The following CDIN1 variants were observed in gnomAD, a reference collection of about 807,000 sequenced individuals.
CDIN1 encodes the protein CDAN1 interacting nuclease 1, also known as CDAN1-interacting nuclease 1.
Under a neutral mutation model 45.3 loss-of-function variants are expected in CDIN1, and 33 were observed. The ratio of observed to expected loss-of-function variants is 0.73; its 90% CI spans 0.55 to 0.97. The LOEUF is 0.97. Among genes scored for constraint, CDIN1 ranks in the 50% least tolerant of loss-of-function variants. CDIN1 has a pLI of 0.00. For synonymous variants in CDIN1, 118 were observed against 124.4 expected, an observed-to-expected ratio of 0.95 and a Z score of 0.34; for missense variants, 303 against 339.4, an observed-to-expected ratio of 0.89 and a Z score of 0.84.
At chr15:36,616,060 C>T (rs1358209942) in intron 1 of CDIN1, among the ~76,000 whole-genome samples, 1 of 152,132 alleles carries the variant, frequency 6.6e-6, no homozygotes, top group Non-Finnish European at 1.5e-5. Flanking sequence ...AAAACATAAG[C>T]GGCATGATGT....
intron 10 of CDIN1, among the ~76,000 whole-genome samples, chr15:36,786,228 A>G (rs1386285924): frequency 6.6e-6 from 1 of 152,224 alleles, no homozygotes. Flanking sequence ...GTAACTTTTT[A>G]TTCCTTTAGA....
At chr15:36,735,031 TCA>T (rs1278983740) in intron 10 of CDIN1, among the ~76,000 whole-genome samples, 2 of 152,204 alleles carry the variant, frequency 1.3e-5, no homozygotes, top group African/African-American at 4.8e-5. Flanking sequence ...CTTGAGTTTC[TCA>T]GTTTAAATTA....
chr15:36,785,643 C>G (rs907474036), intron 10 of CDIN1, among the ~76,000 whole-genome samples: 8 of 152,202 alleles, frequency 5.3e-5, no homozygotes, highest in African/African-American at 1.7e-4. Context: ...TGAAAACTTG[C>G]TCTCCAGTGA....
rs562079267 is a variant in CDIN1 at position 36,645,421 on chromosome 15, T to C, written c.212+134T>C. The C allele has an allele frequency of 2.2e-5, 18 of 810,808 alleles. No homozygotes were observed. The Admixed American group carries it at 4.5e-4, about 20-fold the overall frequency. The allele number at this position is 810,808 out of a possible 1,614,324, so 50.2% of individuals were successfully genotyped here. ...GTTTTAAGTATTTTATTCAAAACTT[T>C]TAGTATGTTTTTGAATGAGTTTTCA... On this transcript the variant is annotated intron_variant, in intron 3 of 10. Coordinates refer to ENST00000566621, the MANE Select transcript of CDIN1 (RefSeq NM_001321759.2).
chr15:36,746,000 C>G (rs2044413912), intron 10 of CDIN1, among the ~76,000 whole-genome samples: 1 of 152,010 alleles, frequency 6.6e-6, no homozygotes, highest in African/African-American at 2.4e-5. Context: ...AAAAATTGTT[C>G]AAATCATAGG....
In CDIN1 at chr15:36,660,033, C is replaced by T. The variant is rs565368208; in HGVS notation, c.346+2128C>T. Among the ~76,000 whole-genome samples the T allele has an allele frequency of 4.6e-4, 55 of 118,606 alleles. 1 individual carries two copies. In the Admixed American group the frequency reaches 6.1e-3, roughly 13 times the overall value. 77.8% of individuals were successfully genotyped at this position (118,606 alleles called of 152,430 possible). ...GGCTTATATTCTGACACTTTCTTCC[C>T]CTTCAGAGCATGGGCCTGGCTGGCC... is the stretch of plus-strand genomic sequence containing the variant. On this transcript the variant is annotated intron_variant, in intron 5 of 10. Transcript: ENST00000566621.
At chr15:36,679,244 T>C (rs2041765134) in intron 5 of CDIN1, among the ~76,000 whole-genome samples, 1 of 152,204 alleles carries the variant, frequency 6.6e-6, no homozygotes, top group Admixed American at 6.5e-5. Flanking sequence ...AAATTTTGCC[T>C]GTTGAATAGA....
chr15:36,640,051 T>C (rs2040045551), intron 1 of CDIN1, among the ~76,000 whole-genome samples: 1 of 152,062 alleles, frequency 6.6e-6, no homozygotes, highest in Non-Finnish European at 1.5e-5. Context: ...TTTTCCCTTT[T>C]CCCCCCTCAG....
intron 5 of CDIN1, among the ~76,000 whole-genome samples, chr15:36,680,439 G>A (rs913286161): frequency 2.0e-5 from 3 of 152,184 alleles, no homozygotes; most frequent in Non-Finnish European, 4.4e-5. Context: ...GCTTTTGTTA[G>A]TGGGCCATAT....
Position 36,690,805 on chromosome 15 carries a change from G to C in CDIN1, c.347-880G>C, listed in dbSNP as rs76365875. Reference sequence around the variant, plus strand: ...GAAATAATCGATACCTAGGCAACACGTGACTTAGCTTCAGCCTAGAGACCT... The same window carrying C: ...GAAATAATCGATACCTAGGCAACACCTGACTTAGCTTCAGCCTAGAGACCT... On this transcript the variant is annotated intron_variant, in intron 5 of 10. Coordinates refer to ENST00000566621, the MANE Select transcript of CDIN1 (RefSeq NM_001321759.2). Among the ~76,000 whole-genome samples, 1,044 of 152,208 alleles carry C rather than the reference G, an allele frequency of 6.9e-3. 15 individuals are homozygous for C. The highest frequency in any genetic ancestry group is 0.024 in the African/African-American group (977 of 41,546).
intron 5 of CDIN1, among the ~76,000 whole-genome samples, chr15:36,687,725 A>T (rs928163999): frequency 6.6e-6 from 1 of 152,218 alleles, no homozygotes; most frequent in Non-Finnish European, 1.5e-5. Context: ...AATAACAAGG[A>T]TGCAGAAGAT....
chr15:36,800,931 A>G (rs1448756573), intron 10 of CDIN1, among the ~76,000 whole-genome samples: 5 of 109,766 alleles, frequency 4.6e-5, no homozygotes, highest in East Asian at 2.5e-4. Flanking sequence ...ATATATATAT[A>G]TATATATATA....
At chr15:36,607,191 CCA>C (rs2140256246) in intron 1 of CDIN1, among the ~76,000 whole-genome samples, 1 of 152,292 alleles carries the variant, frequency 6.6e-6, no homozygotes, top group South Asian at 2.1e-4. Flanking sequence ...CCACTCCTCT[CCA>C]TTGTTTCCAG....
chr15:36,627,363 C>A, intron 1 of CDIN1: 1 of 158,668 alleles, frequency 6.3e-6, no homozygotes, highest in South Asian at 1.8e-4. Flanking sequence ...CTGAAGTGGT[C>A]CTTGTTGGAG....
chr15:36,609,296 G>A (rs564447631), intron 1 of CDIN1, among the ~76,000 whole-genome samples: 14 of 152,320 alleles, frequency 9.2e-5, no homozygotes, highest in Admixed American at 3.3e-4. Context: ...GATTATAGGC[G>A]TGAGCCACCG....
chr15:36,654,278 C>T, intron 4 of CDIN1, 120 bp downstream of exon 4: 1 of 690,982 alleles, frequency 1.4e-6, no homozygotes, highest in Non-Finnish European at 2.4e-6. Context: ...GTGCATTAGA[C>T]ATTTAAATTG....
chr15:36,687,824 A>G (rs2042114401), intron 5 of CDIN1, among the ~76,000 whole-genome samples: 1 of 152,198 alleles, frequency 6.6e-6, no homozygotes, highest in African/African-American at 2.4e-5. Context: ...GAAGACATAT[A>G]AAACATTAAC....
intron 1 of CDIN1, among the ~76,000 whole-genome samples, chr15:36,594,481 G>A (rs2037723095): frequency 1.0e-5 from 1 of 99,972 alleles, no homozygotes; most frequent in African/African-American, 3.2e-5. Context: ...TCATAGTCAT[G>A]AAAAATATTT....
At chr15:36,687,895 C>A (rs2042116515) in intron 5 of CDIN1, among the ~76,000 whole-genome samples, 1 of 151,958 alleles carries the variant, frequency 6.6e-6, no homozygotes, top group African/African-American at 2.4e-5. Flanking sequence ...ATATAAACAT[C>A]ACAAATTAGA....
Sources: gnomAD v4.1 joint callset for allele counts (sites outside exome capture counted in the v4.1 genomes callset) on GRCh38, gnomAD v4.1.1 for gene constraint, MANE v1.5 for transcripts, NCBI Gene and HGNC (gene_info 2026-07-23, HGNC 2026-07-21) for gene names.